The following POLR3B variants were observed in gnomAD, a reference collection of about 807,000 sequenced individuals.
POLR3B encodes the protein DNA-directed RNA polymerase III subunit RPC2.
POLR3B carries 96 observed loss-of-function variants against 147.4 expected under a neutral mutation model. The ratio of observed to expected loss-of-function variants is 0.65; its 90% CI spans 0.55 to 0.77. POLR3B has a LOEUF of 0.77. Among genes scored for constraint, POLR3B ranks in the 30% least tolerant of loss-of-function variants. POLR3B has a pLI of 0.00. For missense variants in POLR3B, 1,036 were observed against 1,413.5 expected (o/e 0.73, Z 4.28); for synonymous variants, 461 against 485.9 (o/e 0.95, Z 0.67).
chr12:106,468,988 G>A (rs989351669), intron 23 of POLR3B, among the ~76,000 whole-genome samples: 9 of 152,216 alleles, frequency 5.9e-5, no homozygotes, highest in African/African-American at 2.2e-4. Flanking sequence ...TCAAGTCCTG[G>A]ATATCCTTGT....
intron 19 of POLR3B, among the ~76,000 whole-genome samples, chr12:106,453,304 G>A (rs548773566): frequency 2.0e-5 from 3 of 152,106 alleles, no homozygotes; most frequent in Admixed American, 6.5e-5. Context: ...GAGCTACCAC[G>A]CCCAGCCTGA....
In POLR3B at chr12:106,509,807, A is replaced by G. The variant is rs945242545; in HGVS notation, c.*258A>G. 1 of 409,532 alleles carries G rather than the reference A, an allele frequency of 2.4e-6. No homozygotes were observed. Among genetic ancestry groups the G allele is most frequent in the Non-Finnish European group, 4.6e-6 (1 of 216,988 alleles). 25.4% of individuals were successfully genotyped at this position (409,532 alleles called of 1,614,324 possible). A position where few individuals can be genotyped will look rare whatever the true frequency, so the allele number is the denominator to read the frequency against. ...CTTGATTCACAGATGGATGTGACCT[A>G]AAGGATAAATAAGCTATTACTTATG... is the stretch of plus-strand genomic sequence containing the variant. On this transcript the variant is annotated 3_prime_UTR_variant, in exon 28 of 28. Coordinates refer to ENST00000228347, the MANE Select transcript of POLR3B (RefSeq NM_018082.6).
At chr12:106,463,682 TTAAA>T (rs1418186442) in intron 23 of POLR3B, 62 bp downstream of exon 23, 2 of 1,351,842 alleles carry the variant, frequency 1.5e-6, no homozygotes, top group Non-Finnish European at 2.1e-6. Flanking sequence ...TGTTAACCAC[TTAAA>T]TAAAATTCCC....
chr12:106,432,501 T>G, intron 15 of POLR3B, 21 bp downstream of exon 15: 1 of 1,595,122 alleles, frequency 6.3e-7, no homozygotes, highest in Non-Finnish European at 8.6e-7. Context: ...TATAGAGACA[T>G]GTTGGTCCTA....
chr12:106,427,291 A>G lies in POLR3B; in HGVS notation c.1196A>G (p.Gln399Arg). Residue 399 changes from glutamine to arginine, a missense_variant, in exon 13 of 28, where the codon CAG becomes CGG. By Grantham distance (43) the Gln-to-Arg change is conservative. Transcript: ENST00000228347. ...GTGATTCCTAAGCAAAGAGCAGCCC[A>G]GTTTGATGTTGTCAAACACATGCGC... ...DQVIPKQRAA[Q>R]FDVVKHMRQD... 6.2e-7 allele frequency: 1 copy of G among 1,613,264 alleles called. No individual in the cohort carries two copies. Among genetic ancestry groups the G allele is most frequent in the Non-Finnish European group, 8.5e-7 (1 of 1,179,410 alleles).
At chr12:106,477,923 G>C (rs1266097094) in intron 23 of POLR3B, among the ~76,000 whole-genome samples, 1 of 20,318 alleles carries the variant, frequency 4.9e-5, no homozygotes, top group Non-Finnish European at 1.1e-4. Flanking sequence ...TTTTTTTTTG[G>C]AGACAGAGCC....
intron 18 of POLR3B, among the ~76,000 whole-genome samples, chr12:106,444,222 TG>T (rs540341004): frequency 7.9e-4 from 120 of 152,350 alleles, no homozygotes; most frequent in African/African-American, 2.8e-3. Flanking sequence ...TAGTCATCCA[TG>T]TGAATATTGT....
At chr12:106,474,772 CT>C (rs2038141837) in intron 23 of POLR3B, among the ~76,000 whole-genome samples, 2 of 150,092 alleles carry the variant, frequency 1.3e-5, no homozygotes, top group Non-Finnish European at 3.0e-5. Context: ...CTTTATTAGT[CT>C]TGCTAGCGGT....
chr12:106,461,454 G>A (rs1201517036), intron 22 of POLR3B, among the ~76,000 whole-genome samples: 3 of 152,128 alleles, frequency 2.0e-5, no homozygotes, highest in Non-Finnish European at 4.4e-5. Context: ...GGATAGTGCA[G>A]GGAGGAAAAC....
intron 10 of POLR3B, among the ~76,000 whole-genome samples, chr12:106,397,314 A>T (rs528807058): frequency 6.6e-6 from 1 of 152,352 alleles, no homozygotes; most frequent in South Asian, 2.1e-4. Flanking sequence ...AAGTAAATTT[A>T]TGTACACTAA....
chr12:106,438,394 C>T (rs565513573), intron 18 of POLR3B, among the ~76,000 whole-genome samples: 2 of 151,954 alleles, frequency 1.3e-5, no homozygotes, highest in Admixed American at 1.3e-4. Flanking sequence ...CCTTCCTATT[C>T]GTGTGACAGT....
rs531559731 is a variant in POLR3B, at chr12:106,438,654, C to G, written c.1955+875C>G. ...GGATTACAGGCATGAGCCACCATGC[C>G]CAGCCTTAATGTGTATTTTTTAAAA... On this transcript the variant is annotated intron_variant, in intron 18 of 27. Coordinates refer to ENST00000228347, the MANE Select transcript of POLR3B (RefSeq NM_018082.6). 1.5e-4 allele frequency among the ~76,000 whole-genome samples: 23 copies of G among 152,080 alleles called. No homozygotes were observed. In the South Asian group the frequency reaches 4.8e-3, roughly 32 times the overall value.
chr12:106,385,705 G>C (rs2036826662), intron 9 of POLR3B, among the ~76,000 whole-genome samples: 1 of 152,178 alleles, frequency 6.6e-6, no homozygotes. Flanking sequence ...CATAAGTATT[G>C]AATGGACATT....
chr12:106,432,347 T>G lies in POLR3B; in HGVS notation c.1494T>G (p.Leu498=). The part of the protein sequence containing the change: ...EACGLVKNLA[L]MTHITTDMED... ...GTGGTTTGGTTAAAAACTTGGCCCTTATGACACACATCACAACTGATATGG... is the reference window on the plus strand; with the variant it reads ...GTGGTTTGGTTAAAAACTTGGCCCTGATGACACACATCACAACTGATATGG... The change falls in exon 15 of 28, where the codon CTT becomes CTG. Residue 498 remains leucine, a synonymous_variant. Coordinates refer to ENST00000228347, the MANE Select transcript of POLR3B (RefSeq NM_018082.6). 1 of 1,613,818 alleles carries G rather than the reference T, an allele frequency of 6.2e-7. No homozygotes were observed. Among genetic ancestry groups the G allele is most frequent in the Non-Finnish European group, 8.5e-7 (1 of 1,179,744 alleles).
rs570942703 is a variant in POLR3B at position 106,477,471 on chromosome 12, C to T, written c.2713+13851C>T. ...GGCGCCCCTCCCCCAGCCTCGCTGC[C>T]GCCTTGCCGTTTGATCTCAGACTGC... On this transcript the variant is annotated intron_variant, in intron 23 of 27. Coordinates refer to ENST00000228347, the MANE Select transcript of POLR3B (RefSeq NM_018082.6). Among the ~76,000 whole-genome samples, 16 of 142,698 alleles carry T rather than the reference C, an allele frequency of 1.1e-4. No individual in the cohort carries two copies. The South Asian group carries it at 2.6e-3, about 23-fold the overall frequency. The allele number at this position is 142,698 out of a possible 152,430, so 93.6% of individuals were successfully genotyped here.
At chr12:106,479,795 C>A (rs1020046080) in intron 23 of POLR3B, among the ~76,000 whole-genome samples, 2 of 70,052 alleles carry the variant, frequency 2.9e-5, no homozygotes, top group Non-Finnish European at 5.8e-5. Flanking sequence ...TTCTTTCCTT[C>A]CTTCTTTTCT....
intron 17 of POLR3B, 34 bp from the exon 18 acceptor site, chr12:106,437,647 T>C: frequency 7.8e-7 from 1 of 1,276,240 alleles, no homozygotes; most frequent in Non-Finnish European, 1.1e-6. Flanking sequence ...AAAAATGCTT[T>C]TTAATGATGT....
intron 6 of POLR3B, among the ~76,000 whole-genome samples, chr12:106,371,217 T>A (rs1288886786): frequency 6.6e-6 from 1 of 152,110 alleles, no homozygotes; most frequent in East Asian, 1.9e-4. Context: ...ATCAGAGAAA[T>A]GCAAATCAAA....
chr12:106,371,705 C>T (rs1424916177), intron 6 of POLR3B, among the ~76,000 whole-genome samples: 3 of 143,914 alleles, frequency 2.1e-5, no homozygotes, highest in Admixed American at 1.5e-4. Context: ...AACCAAACAC[C>T]GTATATTCTC....
Sources: gnomAD v4.1 joint callset for allele counts (sites outside exome capture counted in the v4.1 genomes callset) on GRCh38, gnomAD v4.1.1 for gene constraint, MANE v1.5 for transcripts, NCBI Gene and HGNC (gene_info 2026-07-23, HGNC 2026-07-21) for gene names.